CAST: variants seen among roughly 807,000 people sequenced by gnomAD.
CAST encodes the protein calpastatin.
In CAST, 76 loss-of-function variants were observed where a neutral mutation model predicts 119.6. The ratio of observed to expected loss-of-function variants is 0.64; its 90% CI spans 0.53 to 0.77. The LOEUF is 0.77. Among genes scored for constraint, CAST ranks in the 30% least tolerant of loss-of-function variants. The pLI is 0.00. For missense variants in CAST, 953 were observed against 946.5 expected, an observed-to-expected ratio of 1.01 and a Z score of -0.09; for synonymous variants, 319 against 331.6, an observed-to-expected ratio of 0.96 and a Z score of 0.41.
chr5:96,505,474 G>A, the CAST span, among the ~76,000 whole-genome samples: 10 of 152,002 alleles, frequency 6.6e-5, no homozygotes, highest in South Asian at 2.1e-4. Context: ...GTGGGACTCC[G>A]TCTCAAAAAA....
chr5:96,771,784 A>C (rs1253425467), intron 31 of CAST, 82 bp downstream of exon 31: 14 of 792,274 alleles, frequency 1.8e-5, no homozygotes, highest in Non-Finnish European at 3.0e-5. Context: ...AGTGAAGTCC[A>C]CCTCTTGAGT....
At chr5:96,660,494 T>C (rs1347015886), upstream of CAST, among the ~76,000 whole-genome samples, 5 of 152,214 alleles carry the variant, frequency 3.3e-5, no homozygotes, top group South Asian at 2.1e-4. Context: ...TCAAGAAATA[T>C]ATAACTGGTT....
intron 13 of CAST, 101 bp from the exon 14 acceptor site, chr5:96,741,165 A>G: frequency 1.4e-6 from 1 of 697,432 alleles, no homozygotes; most frequent in Non-Finnish European, 2.6e-6. Context: ...TTTGGTAGCA[A>G]GGGAATTGGA....
the CAST span, among the ~76,000 whole-genome samples, chr5:96,121,902 G>A: frequency 6.6e-6 from 1 of 151,990 alleles, no homozygotes; most frequent in East Asian, 1.9e-4. Context: ...AATGATTGTG[G>A]TATTGTGACA....
At chr5:96,040,633 T>C in the CAST span, among the ~76,000 whole-genome samples, 1 of 152,196 alleles carries the variant, frequency 6.6e-6, no homozygotes, top group Non-Finnish European at 1.5e-5. Context: ...GAGATAATCA[T>C]GTGGTTTTTG....
the CAST span, among the ~76,000 whole-genome samples, chr5:96,312,083 C>T: frequency 0.036 from 5,527 of 151,626 alleles, 371 homozygotes; most frequent in African/African-American, 0.13. Context: ...TTGTTTGTCT[C>T]CTACAGATTT....
At chr5:96,056,290 CT>C in the CAST span, among the ~76,000 whole-genome samples, 1 of 152,168 alleles carries the variant, frequency 6.6e-6, no homozygotes, top group African/African-American at 2.4e-5. Context: ...TCCATAACTA[CT>C]TTGTACAGCC....
chr5:96,515,296 CA>C, the CAST span, among the ~76,000 whole-genome samples: 7 of 143,004 alleles, frequency 4.9e-5, no homozygotes, highest in African/African-American at 1.7e-4. Context: ...ATATTGTTCC[CA>C]CAATGTTTGA....
At chr5:96,729,063 G>T in intron 6 of CAST, 90 bp from the exon 7 acceptor site, 1 of 830,582 alleles carries the variant, frequency 1.2e-6, no homozygotes, top group Non-Finnish European at 2.0e-6. Context: ...AAGGCAGAAT[G>T]TTTTAGTTGG....
the CAST span, among the ~76,000 whole-genome samples, chr5:96,330,063 C>T: frequency 1.3e-5 from 2 of 152,190 alleles, no homozygotes; most frequent in African/African-American, 4.8e-5. Flanking sequence ...CAGAGTTAGT[C>T]ATTTCTGCCA....
chr5:96,662,202 A>G (rs969219244), upstream of CAST: 47 of 480,160 alleles, frequency 9.8e-5, no homozygotes, highest in South Asian at 1.2e-3. Flanking sequence ...GTTACAGGGC[A>G]GGAGCCCGGG....
At chr5:96,771,949 C>T (rs551306535) in intron 31 of CAST, 5 of 312,954 alleles carry the variant, frequency 1.6e-5, no homozygotes, top group Middle Eastern at 8.6e-4. Flanking sequence ...AAATATTAGG[C>T]CAGGCACTTA....
the CAST span, among the ~76,000 whole-genome samples, chr5:96,324,472 C>T: frequency 1.3e-5 from 2 of 152,154 alleles, no homozygotes; most frequent in Non-Finnish European, 2.9e-5. Flanking sequence ...GCCTTTCTTG[C>T]CTACTTAGAC....
the CAST span, among the ~76,000 whole-genome samples, chr5:96,272,029 C>T: frequency 1.7e-4 from 26 of 152,216 alleles, no homozygotes; most frequent in African/African-American, 6.0e-4. Flanking sequence ...CAGCACTAAC[C>T]ATCAGAGAAA....
At chr5:96,665,508 G>A (rs561411330) in intron 1 of CAST, among the ~76,000 whole-genome samples, 3 of 152,214 alleles carry the variant, frequency 2.0e-5, no homozygotes, top group South Asian at 2.1e-4. Flanking sequence ...ACAGTATAGC[G>A]CTAGACCATG....
the CAST span, among the ~76,000 whole-genome samples, chr5:96,369,879 A>G: frequency 6.6e-6 from 1 of 152,140 alleles, no homozygotes; most frequent in Admixed American, 6.6e-5. Context: ...TGTAAAGTCA[A>G]TAATAACAAG....
At chr5:96,239,811 T>C in the CAST span, among the ~76,000 whole-genome samples, 1 of 152,118 alleles carries the variant, frequency 6.6e-6, no homozygotes, top group African/African-American at 2.4e-5. Context: ...TTTAAGTATA[T>C]TCTTCACATC....
At chr5:96,283,689 T>C in the CAST span, among the ~76,000 whole-genome samples, 1 of 152,178 alleles carries the variant, frequency 6.6e-6, no homozygotes, top group African/African-American at 2.4e-5. Context: ...GACACTTAGG[T>C]GAGGCTCCCA....
At chr5:96,444,446 A>C in the CAST span, among the ~76,000 whole-genome samples, 18 of 152,362 alleles carry the variant, frequency 1.2e-4, no homozygotes, top group East Asian at 3.5e-3. Flanking sequence ...CAAGCTGTAC[A>C]ATCTGCTGGT....
Sources: gnomAD v4.1 joint callset for allele counts (sites outside exome capture counted in the v4.1 genomes callset) on GRCh38, gnomAD v4.1.1 for gene constraint, MANE v1.5 for transcripts, NCBI Gene and HGNC (gene_info 2026-07-23, HGNC 2026-07-21) for gene names.